Variants in SPAG16 observed in about 807,000 individuals in gnomAD.
SPAG16 encodes sperm-associated antigen 16 protein.
In SPAG16, 86 loss-of-function variants were observed where a neutral mutation model predicts 80.4. The observed-to-expected ratio is 1.07, with a 90% CI of 0.90 to 1.28. SPAG16 has a LOEUF of 1.28. Among genes scored for constraint, SPAG16 ranks in the 50% most tolerant of loss-of-function variants. The probability of loss-of-function intolerance (pLI) is 0.00; values close to 1 mark genes in which losing one functional copy is unlikely to be tolerated. For synonymous variants in SPAG16, 294 were observed against 265.9 expected (o/e 1.11, Z -1.03); for missense variants, 870 against 765.3 (o/e 1.14, Z -1.61).
chr2:214,380,667 AT>A (rs1440241832), intron 15 of SPAG16, among the ~76,000 whole-genome samples: 1 of 152,260 alleles, frequency 6.6e-6, no homozygotes, highest in East Asian at 1.9e-4. Context: ...TCAAAATGAG[AT>A]GGCTCAGAAG....
chr2:213,760,684 T>C (rs1355773171), intron 10 of SPAG16, among the ~76,000 whole-genome samples: 2 of 152,230 alleles, frequency 1.3e-5, no homozygotes, highest in East Asian at 1.9e-4. Flanking sequence ...AAGATAGTTA[T>C]AGAAAGTATC....
chr2:214,025,149 A>G (rs1281519655), intron 13 of SPAG16, among the ~76,000 whole-genome samples: 1 of 151,596 alleles, frequency 6.6e-6, no homozygotes, highest in Non-Finnish European at 1.5e-5. Context: ...ACGTTTTTCT[A>G]TTTTTGGTAG....
chr2:214,149,096 T>TATATATATATATATATATATATATATAC (rs3043764), intron 14 of SPAG16, 44 bp from the exon 15 acceptor site: 4 of 748,724 alleles, frequency 5.3e-6, no homozygotes, highest in African/African-American at 1.9e-5. Flanking sequence ...TATATATATA[T>TATATATATATATATATATATATATATAC]ACATACATAC....
intron 4 of SPAG16, among the ~76,000 whole-genome samples, chr2:213,312,342 CAG>C (rs1167061337): frequency 4.0e-5 from 6 of 151,586 alleles, no homozygotes; most frequent in African/African-American, 1.2e-4. Flanking sequence ...GGTAATTTCT[CAG>C]GGGGGAAAAA....
At chr2:214,149,392 ATTACATTACAT>A in intron 15 of SPAG16, 126 bp downstream of exon 15, 2 of 779,018 alleles carry the variant, frequency 2.6e-6, no homozygotes, top group Non-Finnish European at 1.8e-6. Context: ...ATTACATTAT[ATTACATTACAT>A]TAAGATATAT....
chr2:213,933,327 T>C (rs374637211), intron 12 of SPAG16, among the ~76,000 whole-genome samples: 20 of 152,206 alleles, frequency 1.3e-4, no homozygotes, highest in African/African-American at 4.1e-4. Flanking sequence ...TACTCAACCA[T>C]TGCCTTCAAT....
intron 15 of SPAG16, among the ~76,000 whole-genome samples, chr2:214,324,875 CAT>C (rs1576783335): frequency 6.6e-6 from 1 of 152,040 alleles, no homozygotes; most frequent in South Asian, 2.1e-4. Context: ...AATAAACAAA[CAT>C]ACACACAGGC....
intron 11 of SPAG16, among the ~76,000 whole-genome samples, chr2:213,902,313 C>A (rs960268591): frequency 1.3e-5 from 2 of 152,090 alleles, no homozygotes; most frequent in Non-Finnish European, 2.9e-5. Flanking sequence ...AGTCTGTTTT[C>A]ACACTGCTGA....
At chr2:213,958,100 C>G (rs1441213367) in intron 12 of SPAG16, among the ~76,000 whole-genome samples, 2 of 152,140 alleles carry the variant, frequency 1.3e-5, no homozygotes, top group Non-Finnish European at 2.9e-5. Context: ...ACATGCTCAC[C>G]TAGTGGGAGG....
chr2:214,144,825 A>T (rs2055554669), intron 14 of SPAG16, among the ~76,000 whole-genome samples: 2 of 152,096 alleles, frequency 1.3e-5, no homozygotes, highest in Non-Finnish European at 2.9e-5. Context: ...GAACCAAGAA[A>T]CTACTTAGCT....
intron 10 of SPAG16, among the ~76,000 whole-genome samples, chr2:213,610,963 C>T (rs960344831): frequency 1.3e-5 from 2 of 152,158 alleles, no homozygotes; most frequent in Non-Finnish European, 2.9e-5. Context: ...CATTATCAAT[C>T]GGTTTCCTTA....
rs933829001 is a variant in SPAG16, at chr2:214,077,960, A to T, written c.1528-30236A>T. Among the ~76,000 whole-genome samples the T allele has an allele frequency of 2.6e-5, 4 of 152,264 alleles. No individual in the cohort carries two copies. In the East Asian group the frequency reaches 7.7e-4, roughly 29 times the overall value. ...GCCTCACTTCTCTTTCTCTCATTGC[A>T]GCTGCTCTGGGCTTGCATCTCTTAA... On this transcript the variant is annotated intron_variant, in intron 13 of 15. Coordinates refer to ENST00000331683, the MANE Select transcript of SPAG16 (RefSeq NM_024532.5).
intron 9 of SPAG16, among the ~76,000 whole-genome samples, chr2:213,415,432 A>G (rs1262127644): frequency 6.6e-6 from 1 of 152,206 alleles, no homozygotes; most frequent in South Asian, 2.1e-4. Context: ...GCACATGAAA[A>G]AACAATTGAA....
chr2:213,995,123 T>A (rs963367206), intron 12 of SPAG16, among the ~76,000 whole-genome samples: 1 of 152,170 alleles, frequency 6.6e-6, no homozygotes, highest in East Asian at 1.9e-4. Flanking sequence ...TAAGCATAGA[T>A]TAATTAAATT....
At chr2:213,304,800 A>G (rs2062875073) in intron 3 of SPAG16, among the ~76,000 whole-genome samples, 1 of 152,118 alleles carries the variant, frequency 6.6e-6, no homozygotes, top group African/African-American at 2.4e-5. Flanking sequence ...TTGATGTCAC[A>G]TAATGTGATT....
At chr2:213,495,811 A>C (rs1286143768) in intron 10 of SPAG16, among the ~76,000 whole-genome samples, 1 of 152,210 alleles carries the variant, frequency 6.6e-6, no homozygotes, top group Non-Finnish European at 1.5e-5. Context: ...CAGAGAGAAC[A>C]GCAAATGCAA....
At chr2:214,288,903 G>C (rs1370551599) in intron 15 of SPAG16, among the ~76,000 whole-genome samples, 1 of 152,062 alleles carries the variant, frequency 6.6e-6, no homozygotes, top group African/African-American at 2.4e-5. Flanking sequence ...CGAGCAGCTG[G>C]GACTACAGGC....
chr2:213,698,354 C>T lies in SPAG16; in HGVS notation c.1071-164131C>T, dbSNP rs565839001. Among the ~76,000 whole-genome samples the T allele has an allele frequency of 1.4e-4, 21 of 152,108 alleles. 1 individual carries two copies. The highest frequency in any genetic ancestry group is 3.1e-4 in the African/African-American group (13 of 41,400). ...ATGGTTCACTGCAACCCTAACCTCC[C>T]GGGCTCAAGTAATCCTCACACCTCA... On this transcript the variant is annotated intron_variant, in intron 10 of 15. Transcript: ENST00000331683.
chr2:213,753,308 A>C (rs1243108638), intron 10 of SPAG16, among the ~76,000 whole-genome samples: 2 of 152,050 alleles, frequency 1.3e-5, no homozygotes, highest in Non-Finnish European at 2.9e-5. Flanking sequence ...TGCTGCGCCC[A>C]GCCTATTTTT....
Sources: gnomAD v4.1 joint callset for allele counts (sites outside exome capture counted in the v4.1 genomes callset) on GRCh38, gnomAD v4.1.1 for gene constraint, MANE v1.5 for transcripts, NCBI Gene and HGNC (gene_info 2026-07-23, HGNC 2026-07-21) for gene names.